The following PCDH11X variants were observed in gnomAD, a reference collection of about 807,000 sequenced individuals.
PCDH11X encodes the protein protocadherin-11 X-linked.
PCDH11X carries 18 observed loss-of-function variants against 53.3 expected under a neutral mutation model. The observed-to-expected ratio is 0.34, with a 90% CI of 0.23 to 0.50. PCDH11X has a LOEUF of 0.50. Ranked by LOEUF, PCDH11X falls within the 20% of genes least tolerant of loss-of-function variation. The pLI, the probability that PCDH11X is intolerant of heterozygous loss-of-function variation, is 0.98. For synonymous variants in PCDH11X, 279 were observed against 393.3 expected (o/e 0.71, Z 3.44); for missense variants, 570 against 1,032.4 (o/e 0.55, Z 6.14).
At chrX:92,143,389 G>A (rs2065219622) in intron 6 of PCDH11X, among the ~76,000 whole-genome samples, 1 of 112,412 alleles carries the variant, frequency 8.9e-6, no homozygotes, top group African/African-American at 3.2e-5. Context: ...AAGTGGTTTT[G>A]TGGGCCTGGT....
chrX:92,285,150 T>C (rs2068336246), intron 8 of PCDH11X, among the ~76,000 whole-genome samples: 1 of 109,531 alleles, frequency 9.1e-6, no homozygotes, highest in African/African-American at 3.3e-5. Context: ...ATTGTTGTTA[T>C]GATATTAGCA....
At chrX:91,924,937 A>G (rs1261373309) in intron 6 of PCDH11X, among the ~76,000 whole-genome samples, 2 of 109,972 alleles carry the variant, frequency 1.8e-5, no homozygotes, top group African/African-American at 6.6e-5. Flanking sequence ...TTTTCACGGA[A>G]ATGGACCATT....
At chrX:92,285,671 T>G (rs937857358) in intron 8 of PCDH11X, among the ~76,000 whole-genome samples, 6 of 110,857 alleles carry the variant, frequency 5.4e-5, no homozygotes, top group African/African-American at 1.6e-4. Context: ...TGACAAATTA[T>G]TTATTATTCT....
intron 7 of PCDH11X, among the ~76,000 whole-genome samples, chrX:92,208,646 A>T (rs1262927758): frequency 2.0e-5 from 2 of 102,372 alleles, no homozygotes; most frequent in African/African-American, 7.2e-5. Context: ...ATGATCCTTT[A>T]TGATGCTGGA....
chrX:92,553,283 G>T (rs2074993379), intron 10 of PCDH11X, among the ~76,000 whole-genome samples: 1 of 106,780 alleles, frequency 9.4e-6, no homozygotes, highest in Non-Finnish European at 1.9e-5. Flanking sequence ...GGGTTTCAGA[G>T]TTCTTCCTAA....
At chrX:92,237,070 A>G (rs1261320922) in intron 7 of PCDH11X, among the ~76,000 whole-genome samples, 1 of 111,536 alleles carries the variant, frequency 9.0e-6, no homozygotes, top group African/African-American at 3.2e-5. Context: ...TATCTGACAG[A>G]TTGGAGTCTG....
chrX:91,790,409 A>C (rs1487088219), intron 1 of PCDH11X, among the ~76,000 whole-genome samples: 1 of 112,034 alleles, frequency 8.9e-6, no homozygotes, highest in East Asian at 2.8e-4. Context: ...TATAGTATAG[A>C]CCCCTAAAGA....
At chrX:92,008,536 C>G (rs2062638715) in intron 6 of PCDH11X, among the ~76,000 whole-genome samples, 1 of 110,312 alleles carries the variant, frequency 9.1e-6, no homozygotes, top group African/African-American at 3.3e-5. Flanking sequence ...ATCGGTAATT[C>G]TACAGGGTTT....
intron 6 of PCDH11X, among the ~76,000 whole-genome samples, chrX:91,975,142 C>T (rs1439700038): frequency 1.8e-5 from 2 of 110,987 alleles, no homozygotes; most frequent in Non-Finnish European, 3.8e-5. Flanking sequence ...CTGTAGTACT[C>T]TTCAGGAGAG....
At chrX:92,194,972 C>G (rs1279761040) in intron 6 of PCDH11X, among the ~76,000 whole-genome samples, 1 of 111,293 alleles carries the variant, frequency 9.0e-6, no homozygotes, top group Non-Finnish European at 1.9e-5. Flanking sequence ...TCATGCTGTG[C>G]TATGTCATAA....
At chrX:92,596,667 T>C (rs1303623944) in intron 10 of PCDH11X, among the ~76,000 whole-genome samples, 1 of 104,998 alleles carries the variant, frequency 9.5e-6, no homozygotes, top group East Asian at 3.0e-4. Flanking sequence ...AAACTATCCC[T>C]AAAAATAGAG....
chrX:91,914,482 A>C (rs376142021), intron 6 of PCDH11X, among the ~76,000 whole-genome samples: 2 of 111,644 alleles, frequency 1.8e-5, no homozygotes, highest in South Asian at 3.8e-4. Flanking sequence ...GGTGAAAACC[A>C]ACTTAAAGCA....
rs1408059749 is a variant in PCDH11X, at chrX:92,208,536, T to TATATATATATATATATATAC, written c.3114+7082_3114+7083insTATATATATATATATATACA. 2.5e-3 allele frequency among the ~76,000 whole-genome samples: 199 copies of TATATATATATATATATATAC among 80,039 alleles called. 7 individuals are homozygous for TATATATATATATATATATAC. The highest frequency in any genetic ancestry group is 9.7e-3 in the African/African-American group (195 of 20,161). The allele number at this position is 80,039 out of a possible 115,157, so 69.5% of individuals were successfully genotyped here. On this transcript the variant is annotated intron_variant, in intron 7 of 10. Transcript: ENST00000682573. The stretch of plus-strand genomic sequence containing the variant: ...ATATATATATATATATATATATATA[T>TATATATATATATATATATAC]ACAATTTTTTTTAAAGGAGGCTCTT...
intron 10 of PCDH11X, among the ~76,000 whole-genome samples, chrX:92,518,050 T>C (rs1435871971): frequency 9.4e-6 from 1 of 106,661 alleles, no homozygotes; most frequent in African/African-American, 3.3e-5. Context: ...TCAAAATTGA[T>C]GGATTGATTT....
chrX:91,903,470 G>T (rs991516577), intron 6 of PCDH11X, among the ~76,000 whole-genome samples: 3 of 110,966 alleles, frequency 2.7e-5, no homozygotes, highest in African/African-American at 9.8e-5. Flanking sequence ...TTCATCCCTG[G>T]GTCATAGTTT....
In PCDH11X at chrX:92,409,508, C is replaced by T. The variant is rs2754961; in HGVS notation, c.3343+21575C>T. 3.8e-4 allele frequency among the ~76,000 whole-genome samples: 43 copies of T among 112,187 alleles called. 1 individual carries two copies. Among genetic ancestry groups the T allele is most frequent in the East Asian group, 2.5e-3 (9 of 3,567 alleles). ...TACAGATAAATTCTATATTGGTGAA[C>T]GGGCTATCTGAATTATGTGTATTAT... On this transcript the variant is annotated intron_variant, in intron 9 of 10. Coordinates refer to ENST00000682573, the MANE Select transcript of PCDH11X (RefSeq NM_032968.5).
intron 6 of PCDH11X, among the ~76,000 whole-genome samples, chrX:92,105,076 G>C (rs1436171474): frequency 9.0e-6 from 1 of 111,624 alleles, no homozygotes; most frequent in Non-Finnish European, 1.9e-5. Flanking sequence ...TCCCTGAAAT[G>C]ATTAAACACC....
intron 7 of PCDH11X, among the ~76,000 whole-genome samples, chrX:92,245,160 G>A (rs997205279): frequency 1.8e-5 from 2 of 112,704 alleles, no homozygotes; most frequent in African/African-American, 6.4e-5. Context: ...CTGGGAAGAC[G>A]CCTGAGGCGG....
At chrX:92,239,818 G>A (rs771445045) in intron 7 of PCDH11X, among the ~76,000 whole-genome samples, 5 of 111,687 alleles carry the variant, frequency 4.5e-5, no homozygotes, top group African/African-American at 6.5e-5. Flanking sequence ...TTGGGATGTA[G>A]GATCCTTTAT....
Sources: gnomAD v4.1 joint callset for allele counts (sites outside exome capture counted in the v4.1 genomes callset) on GRCh38, gnomAD v4.1.1 for gene constraint, MANE v1.5 for transcripts, NCBI Gene and HGNC (gene_info 2026-07-23, HGNC 2026-07-21) for gene names.